The following FCAR variants were observed in gnomAD, a reference collection of about 807,000 sequenced individuals.
The protein encoded by FCAR is Fc alpha receptor, also known as immunoglobulin alpha Fc receptor.
A neutral mutation model predicts 27.1 loss-of-function variants in FCAR; 21 were observed. The observed-to-expected ratio is 0.77, with a 90% confidence interval of 0.55 to 1.11. FCAR has a LOEUF of 1.11. Among genes scored for constraint, FCAR ranks in the 50% most tolerant of loss-of-function variants. The pLI, the probability that FCAR is intolerant of heterozygous loss-of-function variation, is 0.00. For missense variants in FCAR, 404 were observed against 358.4 expected (o/e 1.13, Z -1.03); for synonymous variants, 134 against 135.8 (o/e 0.99, Z 0.09).
At chr19:54,877,313 T>C (rs2066151330) in intron 2 of FCAR, among the ~76,000 whole-genome samples, 1 of 152,198 alleles carries the variant, frequency 6.6e-6, no homozygotes, top group African/African-American at 2.4e-5. Flanking sequence ...CAATTTATTC[T>C]TGGTTTGATC....
At position 54,875,370 on chromosome 19, in the gene FCAR, G is replaced by A; in HGVS notation, c.70+5G>A. Reference sequence around the variant, plus strand: ...AGAGGATTCAGGCACAGGAAGGTAAGTGTCCTGTAAATCTCTCCCAGCCCC... The same window carrying A: ...AGAGGATTCAGGCACAGGAAGGTAAATGTCCTGTAAATCTCTCCCAGCCCC... On this transcript the variant is annotated splice_donor_5th_base_variant and intron_variant, in intron 2 of 4. Transcript: ENST00000355524. 6.2e-7 allele frequency: 1 copy of A among 1,612,748 alleles called. No homozygotes were observed. The highest frequency in any genetic ancestry group is 8.5e-7 in the Non-Finnish European group (1 of 1,178,892).
chr19:54,888,959 T>G, intron 4 of FCAR: 1 of 955,122 alleles, frequency 1.0e-6, no homozygotes, highest in Non-Finnish European at 1.2e-6. Context: ...TCCCAGCTAC[T>G]CAGGAGGCTG....
At chr19:54,875,300 C>T in intron 1 of FCAR, 30 bp from the exon 2 acceptor site, 1 of 1,610,048 alleles carries the variant, frequency 6.2e-7, no homozygotes, top group Non-Finnish European at 8.5e-7. Flanking sequence ...GAAATGGAAG[C>T]TTGATTTTTC....
intron 4 of FCAR, chr19:54,888,947 C>G (rs993173115): frequency 9.2e-6 from 9 of 975,968 alleles, no homozygotes; most frequent in Non-Finnish European, 1.1e-5. Context: ...GTGAGCCTGT[C>G]GTCCCAGCTA....
At chr19:54,874,651 T>C (rs2065991468) in intron 1 of FCAR, among the ~76,000 whole-genome samples, 1 of 152,108 alleles carries the variant, frequency 6.6e-6, no homozygotes, top group Non-Finnish European at 1.5e-5. Flanking sequence ...AAACTGTGAT[T>C]GTTGTGGAAG....
At chr19:54,884,516 C>A (rs753509345) in intron 2 of FCAR, among the ~76,000 whole-genome samples, 45 of 152,106 alleles carry the variant, frequency 3.0e-4, no homozygotes, top group Non-Finnish European at 4.6e-4. Flanking sequence ...CCTGTAATCC[C>A]AGCTACTCGG....
chr19:54,875,260 A>T, intron 1 of FCAR, 70 bp from the exon 2 acceptor site: 1 of 1,346,154 alleles, frequency 7.4e-7, no homozygotes, highest in East Asian at 2.3e-5. Context: ...CTGGTCTGTC[A>T]TTACAGAGGG....
Position 54,888,103 on chromosome 19 carries a change from T to C in FCAR, c.458T>C (p.Phe153Ser). 3.7e-6 allele frequency: 6 copies of C among 1,614,136 alleles called. No individual in the cohort carries two copies. Among genetic ancestry groups the C allele is most frequent in the Non-Finnish European group, 5.1e-6 (6 of 1,180,014 alleles). The change falls in exon 4 of 5, where the codon TTT becomes TCT. Residue 153 changes from phenylalanine to serine, a missense_variant. Physicochemically the swap from Phe to Ser is radical, Grantham distance 155. Transcript: ENST00000355524. ...ACGTGCAGCTCAGCACACATCCCAT[T>C]TGATAGATTTTCACTGGCCAAGGAG... ...SLTCSSAHIP[F>S]DRFSLAKEGE...
At position 54,885,465 on chromosome 19, in the gene FCAR, CA is replaced by C. The variant is rs1194462547; in HGVS notation, c.303del (p.Gln101HisfsTer4). 1.2e-6 allele frequency: 2 copies of C among 1,613,470 alleles called. No individual in the cohort carries two copies. The highest frequency in any genetic ancestry group is 1.1e-5 in the South Asian group (1 of 91,050). The stretch of plus-strand genomic sequence containing the variant: ...AAACAAGGCAGGGCGCTATCAGTGC[CA>C]ATATAGGATAGGGCACTACAGGTTC... Reference protein sequence around the residue: ...DANKAGRYQCQYRIGHYRFRY... With the variant: ...DANKAGRYQCXYRIGHYRFRY... On this transcript the variant is annotated frameshift_variant, in exon 3 of 5. Transcript: ENST00000355524. LOFTEE classifies it high-confidence loss of function.
intron 3 of FCAR, among the ~76,000 whole-genome samples, 199 bp downstream of exon 3, chr19:54,885,724 AAT>A (rs1339258626): frequency 2.0e-5 from 3 of 152,210 alleles, no homozygotes; most frequent in African/African-American, 7.2e-5. Context: ...TTAATGAACA[AAT>A]ATCGACACAT....
In FCAR at chr19:54,889,883, G is replaced by A; in HGVS notation, c.*20G>A. ...AAGTAAACACCTGGAGGTGAAGGCAGAGAGGAGCCAGGACTGTGGAGTCCG... is the reference window on the plus strand; with the variant it reads ...AAGTAAACACCTGGAGGTGAAGGCAAAGAGGAGCCAGGACTGTGGAGTCCG... On this transcript the variant is annotated 3_prime_UTR_variant, in exon 5 of 5. Transcript: ENST00000355524. 1 of 1,566,310 alleles carries A rather than the reference G, an allele frequency of 6.4e-7. No homozygotes were observed. The highest frequency in any genetic ancestry group is 1.1e-5 in the South Asian group (1 of 90,472).
At chr19:54,888,713 C>T (rs954169643) in intron 4 of FCAR, 2 of 640,614 alleles carry the variant, frequency 3.1e-6, no homozygotes, top group Non-Finnish European at 4.0e-6. Flanking sequence ...ACCATGTTGG[C>T]CAGGCTGGTC....
At chr19:54,875,523 A>C (rs1368849943) in intron 2 of FCAR, among the ~76,000 whole-genome samples, 158 bp downstream of exon 2, 1 of 152,166 alleles carries the variant, frequency 6.6e-6, no homozygotes, top group African/African-American at 2.4e-5. Context: ...TCACTTTGTT[A>C]TCTCCAAACC....
intron 1 of FCAR, among the ~76,000 whole-genome samples, 157 bp from the exon 2 acceptor site, chr19:54,875,170 CAAA>C (rs75098947): frequency 8.7e-6 from 1 of 115,144 alleles, no homozygotes; most frequent in African/African-American, 3.3e-5. Context: ...GACTCTGTCT[CAAA>C]AAAAAAAAAA....
intron 1 of FCAR, 142 bp from the exon 2 acceptor site, chr19:54,875,188 C>T: frequency 1.6e-6 from 1 of 631,644 alleles, no homozygotes; most frequent in Non-Finnish European, 2.8e-6. Context: ...AAAAAAAATG[C>T]CAGCTCTTCT....
chr19:54,885,346 T>C lies in FCAR; in HGVS notation c.182T>C (p.Met61Thr), dbSNP rs587664385. 3.7e-6 allele frequency: 6 copies of C among 1,614,092 alleles called. No homozygotes were observed. In the African/African-American group the frequency reaches 6.7e-5, roughly 18 times the overall value. ...AIREAYLTQL[M>T]IIKNSTYREI... ...CGTGAAGCTTACCTGACCCAGCTGA[T>C]GATCATAAAAAACTCCACGTACCGA... The change falls in exon 3 of 5, where the codon ATG becomes ACG. Residue 61 changes from methionine to threonine, a missense_variant. Transcript: ENST00000355524.
In FCAR at chr19:54,879,778, G is replaced by C. The variant is rs372233056; in HGVS notation, c.70+4413G>C. ...GGCTCACTGCAAGCTCCGCCTCCCG[G>C]ATTCACGCCATTCTCCTGCCTCAGC... is the stretch of plus-strand genomic sequence containing the variant. On this transcript the variant is annotated intron_variant, in intron 2 of 4. Transcript: ENST00000355524. Among the ~76,000 whole-genome samples the C allele has an allele frequency of 2.4e-3, 359 of 151,688 alleles. 1 individual carries two copies. The highest frequency in any genetic ancestry group is 7.8e-3 in the African/African-American group (323 of 41,336).
At chr19:54,884,331 C>T (rs180941790) in intron 2 of FCAR, among the ~76,000 whole-genome samples, 2,247 of 152,264 alleles carry the variant, frequency 0.015, 34 homozygotes, top group Non-Finnish European at 0.019. Context: ...AGTGTTGCCT[C>T]TGCAAAAACC....
chr19:54,882,513 G>C (rs1455922022), intron 2 of FCAR, among the ~76,000 whole-genome samples: 1 of 150,926 alleles, frequency 6.6e-6, no homozygotes, highest in East Asian at 1.9e-4. Context: ...TCAGCTCACT[G>C]CTGCAACCTT....
Sources: gnomAD v4.1 joint callset for allele counts (sites outside exome capture counted in the v4.1 genomes callset) on GRCh38, gnomAD v4.1.1 for gene constraint, MANE v1.5 for transcripts, NCBI Gene and HGNC (gene_info 2026-07-23, HGNC 2026-07-21) for gene names.